SLC39A11: variants seen among roughly 807,000 people sequenced by gnomAD.
SLC39A11 encodes solute carrier family 39 member 11.
Under a neutral mutation model 36.1 loss-of-function variants are expected in SLC39A11, and 33 were observed. The ratio of observed to expected loss-of-function variants is 0.91; its 90% CI spans 0.69 to 1.22. The LOEUF is 1.22. Among genes scored for constraint, SLC39A11 ranks in the 50% most tolerant of loss-of-function variants. The probability of loss-of-function intolerance (pLI) is 0.00; values close to 1 mark genes in which losing one functional copy is unlikely to be tolerated. For missense variants in SLC39A11, 432 were observed against 430.3 expected (o/e 1.00, Z -0.03); for synonymous variants, 166 against 170.3 (o/e 0.97, Z 0.20).
chr17:72,913,634 G>A (rs901373730), intron 5 of SLC39A11, among the ~76,000 whole-genome samples: 3 of 152,160 alleles, frequency 2.0e-5, no homozygotes, highest in Non-Finnish European at 4.4e-5. Context: ...AGCACAGCAA[G>A]TGTATGTTAG....
intron 7 of SLC39A11, among the ~76,000 whole-genome samples, chr17:72,697,030 A>G (rs1456584901): frequency 6.6e-6 from 1 of 152,236 alleles, no homozygotes. Context: ...GCTAATAGCC[A>G]TAACACCAGA....
intron 5 of SLC39A11, among the ~76,000 whole-genome samples, chr17:72,934,187 A>C (rs1321210076): frequency 6.6e-6 from 1 of 152,176 alleles, no homozygotes; most frequent in Non-Finnish European, 1.5e-5. Flanking sequence ...TCTTAGACGT[A>C]ACACCAAAAG....
chr17:72,676,698 T>C (rs187210960), intron 7 of SLC39A11, among the ~76,000 whole-genome samples: 1 of 152,376 alleles, frequency 6.6e-6, no homozygotes, highest in East Asian at 1.9e-4. Flanking sequence ...AGCCTTGCTG[T>C]ACCTAAACAG....
chr17:72,698,009 G>A (rs2144525941), intron 7 of SLC39A11, among the ~76,000 whole-genome samples: 1 of 152,300 alleles, frequency 6.6e-6, no homozygotes, highest in Non-Finnish European at 1.5e-5. Flanking sequence ...TTTATAAACT[G>A]AACTGGTGGC....
intron 1 of SLC39A11, among the ~76,000 whole-genome samples, chr17:73,090,929 C>A (rs1181460059): frequency 6.6e-6 from 1 of 152,156 alleles, no homozygotes; most frequent in Non-Finnish European, 1.5e-5. Context: ...CAGTGCCCCT[C>A]GGAGAAGTTT....
At chr17:72,842,413 A>C (rs143076414) in intron 6 of SLC39A11, among the ~76,000 whole-genome samples, 314 of 152,332 alleles carry the variant, frequency 2.1e-3, no homozygotes, top group African/African-American at 7.2e-3. Context: ...TGAATGTTTG[A>C]ATGAGATAAC....
intron 4 of SLC39A11, among the ~76,000 whole-genome samples, chr17:73,007,927 A>G (rs1598827075): frequency 6.6e-6 from 1 of 152,186 alleles, no homozygotes; most frequent in African/African-American, 2.4e-5. Flanking sequence ...ACATGGTGAA[A>G]CCCCATCTCA....
At chr17:72,848,445 C>A (rs747940757) in intron 6 of SLC39A11, among the ~76,000 whole-genome samples, 72 of 152,232 alleles carry the variant, frequency 4.7e-4, no homozygotes, top group Admixed American at 2.0e-3. Context: ...AACAGGCCAG[C>A]GTGGTAGCTC....
In SLC39A11 at chr17:72,648,910, G is replaced by A. The variant is rs2069712636; in HGVS notation, c.822C>T (p.Ala274=). 1 of 1,614,108 alleles carries A rather than the reference G, an allele frequency of 6.2e-7. No individual in the cohort carries two copies. The highest frequency in any genetic ancestry group is 2.2e-5 in the East Asian group (1 of 44,870). Residue 274 remains alanine (A), a synonymous_variant, in exon 9 of 10, where the codon GCC becomes GCT. Transcript: ENST00000255559. Reference sequence around the variant, plus strand: ...TGGGCTCAGCCAGCACCACGGCAAAGGCACCAAAGACCCCGGCCAGGGGCT... The same window carrying A: ...TGGGCTCAGCCAGCACCACGGCAAAAGCACCAAAGACCCCGGCCAGGGGCT... ...MVEPLAGVFG[A]FAVVLAEPIL...
chr17:73,004,312 A>T (rs914207438), intron 4 of SLC39A11, among the ~76,000 whole-genome samples: 2 of 152,198 alleles, frequency 1.3e-5, no homozygotes, highest in Non-Finnish European at 2.9e-5. Context: ...TCTGGAGGCT[A>T]GAAGTCCGAG....
chr17:72,729,925 A>G (rs2074145822), intron 7 of SLC39A11, among the ~76,000 whole-genome samples: 1 of 151,978 alleles, frequency 6.6e-6, no homozygotes. Flanking sequence ...ATAAATTACT[A>G]TGGGTATCTT....
chr17:72,733,557 G>T (rs1229127160), intron 7 of SLC39A11, among the ~76,000 whole-genome samples: 2 of 152,086 alleles, frequency 1.3e-5, no homozygotes, highest in African/African-American at 2.4e-5. Flanking sequence ...GGGCAGGCAG[G>T]GGCTGGTGCA....
intron 5 of SLC39A11, among the ~76,000 whole-genome samples, chr17:72,917,410 C>T (rs2083393421): frequency 6.6e-6 from 1 of 152,106 alleles, no homozygotes; most frequent in Non-Finnish European, 1.5e-5. Context: ...TGGGAGGAAA[C>T]TGCGAGTTGG....
intron 6 of SLC39A11, among the ~76,000 whole-genome samples, chr17:72,759,207 A>C (rs1468352452): frequency 6.6e-6 from 1 of 152,148 alleles, no homozygotes; most frequent in Non-Finnish European, 1.5e-5. Context: ...CAATATGCAG[A>C]AAAGATGATA....
At chr17:72,863,408 A>G (rs1447633617) in intron 5 of SLC39A11, among the ~76,000 whole-genome samples, 1 of 152,048 alleles carries the variant, frequency 6.6e-6, no homozygotes, top group Non-Finnish European at 1.5e-5. Context: ...CCCAAGGGAA[A>G]CCCAAGGAGG....
At chr17:73,009,821 T>C (rs2090411263) in intron 4 of SLC39A11, among the ~76,000 whole-genome samples, 1 of 152,134 alleles carries the variant, frequency 6.6e-6, no homozygotes, top group Non-Finnish European at 1.5e-5. Flanking sequence ...ATGTGCCATG[T>C]TGGTGTGCTG....
intron 5 of SLC39A11, among the ~76,000 whole-genome samples, chr17:72,886,707 A>C (rs1386241791): frequency 1.3e-5 from 2 of 152,182 alleles, no homozygotes; most frequent in East Asian, 3.8e-4. Flanking sequence ...ACTCTAATTG[A>C]GATCTGAAAG....
At chr17:72,810,033 C>T (rs4793312) in intron 6 of SLC39A11, among the ~76,000 whole-genome samples, 56,439 of 150,040 alleles carry the variant, frequency 0.38, 13,041 homozygotes, top group Non-Finnish European at 0.51. Context: ...CACTGCACTC[C>T]AGCCTGGGTG....
At chr17:72,969,188 T>A (rs1351071506) in intron 4 of SLC39A11, among the ~76,000 whole-genome samples, 1 of 152,050 alleles carries the variant, frequency 6.6e-6, no homozygotes, top group East Asian at 1.9e-4. Flanking sequence ...GGCCCAGGCC[T>A]AGGGTAAGGA....
Sources: allele counts gnomAD v4.1 joint callset (sites outside exome capture counted in the v4.1 genomes callset), GRCh38; gene constraint gnomAD v4.1.1; transcripts MANE v1.5; gene names NCBI Gene and HGNC (gene_info 2026-07-23, HGNC 2026-07-21).